MAMDC2: variants seen among roughly 807,000 people sequenced by gnomAD.
MAMDC2 encodes the protein MAM domain-containing protein 2.
Under a neutral mutation model 89.8 loss-of-function variants are expected in MAMDC2, and 57 were observed. The ratio of observed to expected loss-of-function variants is 0.63; its 90% CI spans 0.51 to 0.79. MAMDC2 has a LOEUF of 0.79. MAMDC2 is among the 30% of genes least tolerant of loss of function. MAMDC2 has a pLI of 0.00. For missense variants in MAMDC2, 800 were observed against 820.6 expected (o/e 0.97, Z 0.31); for synonymous variants, 313 against 293.4 (o/e 1.07, Z -0.68).
At chr9:70,142,789 C>T (rs2031270277) in intron 8 of MAMDC2, among the ~76,000 whole-genome samples, 1 of 151,758 alleles carries the variant, frequency 6.6e-6, no homozygotes, top group Non-Finnish European at 1.5e-5. Flanking sequence ...GACTGAGGCA[C>T]CCAAAAGAAA....
At chr9:70,111,793 C>T (rs762320249) in intron 4 of MAMDC2, among the ~76,000 whole-genome samples, 3 of 152,158 alleles carry the variant, frequency 2.0e-5, no homozygotes, top group Non-Finnish European at 4.4e-5. Context: ...ACTGAAGAGA[C>T]CACAAAGGTG....
chr9:70,164,243 C>T (rs1272709661), intron 9 of MAMDC2, among the ~76,000 whole-genome samples: 2 of 152,038 alleles, frequency 1.3e-5, no homozygotes, highest in Admixed American at 1.3e-4. Context: ...ATTATCTGGC[C>T]CAAAACGTCA....
intron 2 of MAMDC2, among the ~76,000 whole-genome samples, chr9:70,074,774 T>A (rs1169892668): frequency 6.6e-6 from 1 of 152,198 alleles, no homozygotes; most frequent in Non-Finnish European, 1.5e-5. Flanking sequence ...AAGAGAGAGA[T>A]CCTGGAAGTA....
At position 70,108,354 on chromosome 9, in the gene MAMDC2, A is replaced by C. The variant is rs1457439241; in HGVS notation, c.292A>C (p.Ser98Arg). 1 of 1,614,144 alleles carries C rather than the reference A, an allele frequency of 6.2e-7. No homozygotes were observed. Among genetic ancestry groups the C allele is most frequent in the East Asian group, 2.2e-5 (1 of 44,860 alleles). ...TTSSESLSDP[S>R]QLNLYMRFED... ...ATCTTCGGAGTCTCTGTCAGATCCCAGCCAGCTGAACCTCTACATGAGATT... is the reference window on the plus strand; with the variant it reads ...ATCTTCGGAGTCTCTGTCAGATCCCCGCCAGCTGAACCTCTACATGAGATT... The change falls in exon 3 of 14, where the codon AGC (serine) becomes CGC (arginine). Residue 98 changes from serine (S) to arginine (R), a missense_variant. Coordinates refer to ENST00000377182, the MANE Select transcript of MAMDC2 (RefSeq NM_153267.5).
Position 70,069,890 on chromosome 9 carries a change from A to G in MAMDC2, c.148+25193A>G, listed in dbSNP as rs1054624848. Among the ~76,000 whole-genome samples, 3 of 152,214 alleles carry G rather than the reference A, an allele frequency of 2.0e-5. No individual in the cohort carries two copies. In the South Asian group the frequency reaches 6.2e-4, roughly 32 times the overall value. On this transcript the variant is annotated intron_variant, in intron 2 of 13. Coordinates refer to ENST00000377182, the MANE Select transcript of MAMDC2 (RefSeq NM_153267.5). Reference sequence around the variant, plus strand: ...ATGTCAGCATGATCTTGGCTGAAGAAGAATTTATTCCTCTTGACATATTCC... The same window carrying G: ...ATGTCAGCATGATCTTGGCTGAAGAGGAATTTATTCCTCTTGACATATTCC...
intron 2 of MAMDC2, among the ~76,000 whole-genome samples, chr9:70,055,729 C>A (rs1827011784): frequency 6.6e-6 from 1 of 152,152 alleles, no homozygotes; most frequent in South Asian, 2.1e-4. Flanking sequence ...TTAGAGTTTG[C>A]TCTTGGAACC....
At chr9:70,136,430 T>A (rs1420713793) in intron 7 of MAMDC2, among the ~76,000 whole-genome samples, 1 of 152,208 alleles carries the variant, frequency 6.6e-6, no homozygotes, top group Non-Finnish European at 1.5e-5. Flanking sequence ...AGTTTATGTA[T>A]CTACTCACCT....
intron 9 of MAMDC2, among the ~76,000 whole-genome samples, chr9:70,157,310 C>G (rs945349747): frequency 6.6e-6 from 1 of 152,174 alleles, no homozygotes; most frequent in African/African-American, 2.4e-5. Flanking sequence ...AGCTCATAGA[C>G]CAAATAAGTA....
chr9:70,186,225 T>C (rs909880875), intron 11 of MAMDC2, among the ~76,000 whole-genome samples: 1 of 152,200 alleles, frequency 6.6e-6, no homozygotes, highest in African/African-American at 2.4e-5. Flanking sequence ...TACATTTCCA[T>C]GTTTATCTCT....
intron 2 of MAMDC2, among the ~76,000 whole-genome samples, chr9:70,104,952 A>C (rs964171163): frequency 1.3e-5 from 2 of 152,200 alleles, no homozygotes; most frequent in Non-Finnish European, 2.9e-5. Flanking sequence ...TTATGTCTAA[A>C]GTTAACTTCC....
chr9:70,053,624 CAGTT>C (rs1404158895), intron 2 of MAMDC2, among the ~76,000 whole-genome samples: 1 of 152,270 alleles, frequency 6.6e-6, no homozygotes, highest in Non-Finnish European at 1.5e-5. Context: ...GGAAGGTTGT[CAGTT>C]AGCTCTCAGA....
At chr9:70,192,844 G>C (rs1310222581) in intron 11 of MAMDC2, among the ~76,000 whole-genome samples, 1 of 152,076 alleles carries the variant, frequency 6.6e-6, no homozygotes, top group East Asian at 1.9e-4. Flanking sequence ...TAGTCAAATA[G>C]TTGGTTGAAG....
chr9:70,221,372 T>TAGAGAGAGAGAGAGAGAG (rs1235831563), intron 12 of MAMDC2, among the ~76,000 whole-genome samples: 1 of 6,810 alleles, frequency 1.5e-4, no homozygotes, highest in African/African-American at 3.9e-4. Context: ...TATATATATA[T>TAGAGAGAGAGAGAGAGAG]ATATATATAG....
intron 2 of MAMDC2, among the ~76,000 whole-genome samples, chr9:70,068,572 A>G (rs1257644774): frequency 6.6e-6 from 1 of 151,696 alleles, no homozygotes; most frequent in Admixed American, 6.6e-5. Context: ...CAACAACAAC[A>G]ACAAATTAGC....
At chr9:70,164,007 C>T (rs1358122208) in intron 9 of MAMDC2, among the ~76,000 whole-genome samples, 2 of 150,656 alleles carry the variant, frequency 1.3e-5, no homozygotes, top group Admixed American at 6.6e-5. Context: ...ACAAGGACTG[C>T]ACATAACAGG....
chr9:70,172,275 GT>G (rs1181069007), intron 11 of MAMDC2: 1 of 152,150 alleles, frequency 6.6e-6, no homozygotes, highest in East Asian at 1.9e-4. Flanking sequence ...GGAAGAAACA[GT>G]CTATTTTTTC....
intron 9 of MAMDC2, among the ~76,000 whole-genome samples, chr9:70,165,550 G>T (rs6560016): frequency 0.86 from 130,459 of 152,268 alleles, 56,126 homozygotes; most frequent in East Asian, 0.96. Context: ...ATGGTCTGGC[G>T]AATGTTTTAA....
chr9:70,180,627 T>C (rs997249081), intron 11 of MAMDC2, among the ~76,000 whole-genome samples: 33 of 152,108 alleles, frequency 2.2e-4, no homozygotes, highest in Non-Finnish European at 2.8e-4. Flanking sequence ...GATGATGAGC[T>C]TTTTTTCATG....
rs2033643314 is a variant in MAMDC2 at position 70,226,640 on chromosome 9, A to G, written c.*608A>G. The G allele has an allele frequency of 6.6e-6, 1 of 152,536 alleles. No homozygotes were observed. The highest frequency in any genetic ancestry group is 1.5e-5 in the Non-Finnish European group (1 of 67,956). The allele number at this position is 152,536 out of a possible 1,614,324, so 9.4% of individuals were successfully genotyped here. On this transcript the variant is annotated 3_prime_UTR_variant, in exon 14 of 14. Coordinates refer to ENST00000377182, the MANE Select transcript of MAMDC2 (RefSeq NM_153267.5). ...TCCAAGGGTAAGTCAGTATTAATTA[A>G]TGCTGTATTACAAGGCAATGCTACC...
Sources: allele counts gnomAD v4.1 joint callset (sites outside exome capture counted in the v4.1 genomes callset), GRCh38; gene constraint gnomAD v4.1.1; transcripts MANE v1.5; gene names NCBI Gene and HGNC (gene_info 2026-07-23, HGNC 2026-07-21).